The following IRAG1 variants were observed in gnomAD, a reference collection of about 807,000 sequenced individuals.
The protein encoded by IRAG1 is inositol 1,4,5-triphosphate receptor associated 1.
A neutral mutation model predicts 106.2 loss-of-function variants in IRAG1; 62 were observed. The ratio of observed to expected loss-of-function variants is 0.58; its 90% confidence interval spans 0.48 to 0.72. IRAG1 has a LOEUF of 0.72. IRAG1 is among the 30% of genes least tolerant of loss of function. IRAG1 has a pLI of 0.00. For synonymous variants in IRAG1, 462 were observed against 443.9 expected, an observed-to-expected ratio of 1.04 and a Z score of -0.51; for missense variants, 1,064 against 1,140.7, an observed-to-expected ratio of 0.93 and a Z score of 0.97.
chr11:10,589,515 C>T (rs1402112312), intron 18 of IRAG1, among the ~76,000 whole-genome samples: 4 of 152,144 alleles, frequency 2.6e-5, no homozygotes, highest in African/African-American at 9.7e-5. Flanking sequence ...GAACCACCCG[C>T]CTCAGCCTCC....
intron 2 of IRAG1, among the ~76,000 whole-genome samples, chr11:10,649,746 G>C (rs1242304888): frequency 6.6e-6 from 1 of 152,108 alleles, no homozygotes; most frequent in Non-Finnish European, 1.5e-5. Context: ...TGGGGGGAGG[G>C]TTCCATGAGC....
intron 14 of IRAG1, 91 bp from the exon 15 acceptor site, chr11:10,601,150 G>A: frequency 1.3e-6 from 2 of 1,519,612 alleles, no homozygotes; most frequent in Non-Finnish European, 1.8e-6. Flanking sequence ...TGGGCTAGGA[G>A]AATCAAAAGG....
At chr11:10,671,165 C>A (rs183388052) in intron 1 of IRAG1, among the ~76,000 whole-genome samples, 7 of 152,298 alleles carry the variant, frequency 4.6e-5, no homozygotes, top group Admixed American at 3.9e-4. Context: ...TAGACTAGGT[C>A]CCAAGAATTC....
At chr11:10,680,966 T>C (rs1253381063) in intron 1 of IRAG1, among the ~76,000 whole-genome samples, 1 of 152,154 alleles carries the variant, frequency 6.6e-6, no homozygotes, top group Non-Finnish European at 1.5e-5. Flanking sequence ...TTCATTGTCC[T>C]CAGGGAGGGT....
chr11:10,599,199 T>C (rs557296967), intron 15 of IRAG1, among the ~76,000 whole-genome samples: 2 of 152,356 alleles, frequency 1.3e-5, no homozygotes, highest in South Asian at 4.1e-4. Context: ...TAGCACTGGC[T>C]ACACTGCCTT....
intron 8 of IRAG1, 72 bp from the exon 9 acceptor site, chr11:10,626,655 G>A (rs1326755831): frequency 6.7e-7 from 1 of 1,485,174 alleles, no homozygotes; most frequent in South Asian, 1.4e-5. Flanking sequence ...CACTTCTGCT[G>A]TGGAGTCTCT....
Position 10,675,000 on chromosome 11 carries a change from G to A in IRAG1, c.67+18536C>T, listed in dbSNP as rs188461146. On this transcript the variant is annotated intron_variant, in intron 1 of 20. Coordinates refer to ENST00000423302, the MANE Select transcript of IRAG1 (RefSeq NM_130385.4). ...CTTTGGACGCCGTGCACTGGCACAC[G>A]AATAGGAAACGCAGAGTGACCCGGA... is the stretch of plus-strand genomic sequence containing the variant. 1.3e-3 allele frequency among the ~76,000 whole-genome samples: 202 copies of A among 152,332 alleles called. 1 individual carries two copies. The highest frequency in any genetic ancestry group is 4.4e-3 in the African/African-American group (182 of 41,576).
intron 1 of IRAG1, among the ~76,000 whole-genome samples, chr11:10,680,365 GA>G (rs1564942460): frequency 1.1e-5 from 1 of 90,966 alleles, no homozygotes; most frequent in East Asian, 5.4e-4. Flanking sequence ...AAGAAAGAAA[GA>G]AAGAAGGAAG....
At chr11:10,683,390 A>G (rs534397929) in intron 1 of IRAG1, among the ~76,000 whole-genome samples, 1 of 152,202 alleles carries the variant, frequency 6.6e-6, no homozygotes, top group African/African-American at 2.4e-5. Context: ...CAATGAAAAT[A>G]CTTCTACTAA....
At chr11:10,589,389 T>G (rs1211791480) in intron 18 of IRAG1, among the ~76,000 whole-genome samples, 1 of 152,194 alleles carries the variant, frequency 6.6e-6, no homozygotes, top group Non-Finnish European at 1.5e-5. Context: ...TCATTGTTAG[T>G]CTGTTGGGAA....
In IRAG1 at chr11:10,626,259, C is replaced by G. The variant is rs201127969; in HGVS notation, c.1075G>C (p.Ala359Pro). The G allele has an allele frequency of 3.2e-4, 519 of 1,609,236 alleles. 4 individuals are homozygous for G. The East Asian group carries it at 0.011, about 35-fold the overall frequency. The change falls in exon 9 of 21, where the codon GCC becomes CCC. Residue 359 changes from alanine to proline, a missense_variant. By Grantham distance (27) the Ala-to-Pro change is conservative. Coordinates refer to ENST00000423302, the MANE Select transcript of IRAG1 (RefSeq NM_130385.4). Reference protein sequence around the residue: ...TQDAAGVGPPASQGRGPAGEP... With the variant: ...TQDAAGVGPPPSQGRGPAGEP... The stretch of plus-strand genomic sequence containing the variant: ...CCAGCTGGGCCTCTCCCCTGGGAGG[C>G]TGGGGGACCCACTCCTGCCGCATCC...
intron 11 of IRAG1, among the ~76,000 whole-genome samples, chr11:10,608,919 T>C (rs724723): frequency 0.4 from 60,315 of 152,046 alleles, 12,439 homozygotes; most frequent in East Asian, 0.69. Flanking sequence ...GATTTACTTA[T>C]ATTTTTTCTT....
chr11:10,611,960 AG>A (rs1270384433), intron 10 of IRAG1, among the ~76,000 whole-genome samples: 2 of 152,154 alleles, frequency 1.3e-5, no homozygotes, highest in African/African-American at 4.8e-5. Flanking sequence ...AGAAGAAGAG[AG>A]GAAAGGCAGA....
At chr11:10,582,418 G>A (rs1591538151) in intron 18 of IRAG1, among the ~76,000 whole-genome samples, 1 of 151,190 alleles carries the variant, frequency 6.6e-6, no homozygotes, top group Admixed American at 6.6e-5. Flanking sequence ...AATGTGCTGG[G>A]GGCACATTAG....
chr11:10,675,320 C>T (rs367842546), intron 1 of IRAG1, among the ~76,000 whole-genome samples: 20 of 152,268 alleles, frequency 1.3e-4, no homozygotes, highest in East Asian at 3.9e-4. Context: ...CTCCTGGTTC[C>T]GTTGGCTCCT....
intron 10 of IRAG1, among the ~76,000 whole-genome samples, chr11:10,621,058 T>C (rs1036092621): frequency 1.1e-4 from 17 of 152,002 alleles, no homozygotes; most frequent in African/African-American, 4.1e-4. Context: ...AGAAGAAAAA[T>C]TGTTAGTTTT....
intron 11 of IRAG1, among the ~76,000 whole-genome samples, chr11:10,607,667 A>G (rs1204865755): frequency 6.6e-6 from 1 of 152,246 alleles, no homozygotes. Flanking sequence ...AGAGCATGCC[A>G]TCAATAAGCT....
In IRAG1 at chr11:10,631,963, A is replaced by G. The variant is rs577775514; in HGVS notation, c.400+28T>C. 8.1e-6 allele frequency: 13 copies of G among 1,604,498 alleles called. No homozygotes were observed. The African/African-American group carries it at 9.4e-5, about 12-fold the overall frequency. Reference sequence around the variant, plus strand: ...GCTGCCAGACCTGTCTTTCTACTCAACATGCCTTAGATTGCCCTGGTCCTT... The same window carrying G: ...GCTGCCAGACCTGTCTTTCTACTCAGCATGCCTTAGATTGCCCTGGTCCTT... On this transcript the variant is annotated intron_variant, in intron 4 of 20. Coordinates refer to ENST00000423302, the MANE Select transcript of IRAG1 (RefSeq NM_130385.4).
At position 10,657,392 on chromosome 11, in the gene IRAG1, G is replaced by A. The variant is rs545930140; in HGVS notation, c.68-5210C>T. Among the ~76,000 whole-genome samples the A allele has an allele frequency of 6.6e-6, 1 of 152,108 alleles. No individual in the cohort carries two copies. On this transcript the variant is annotated intron_variant, in intron 1 of 20. Transcript: ENST00000423302. The surrounding 1 kb of genome is among the most constrained non-coding windows in gnomAD (Gnocchi z 4.1). ...GGCAGCAGCAGCCTCTCATCATGGC[G>A]CCAAAGATGCCTCTCCCAGAGCCTT...
Sources: gnomAD v4.1 joint callset for allele counts (sites outside exome capture counted in the v4.1 genomes callset) on GRCh38, gnomAD v4.1.1 for gene constraint, Gnocchi (gnomAD v3.1) non-coding constraint, MANE v1.5 for transcripts, NCBI Gene and HGNC (gene_info 2026-07-23, HGNC 2026-07-21) for gene names.